The following DENND1A variants were observed in gnomAD, a reference collection of about 807,000 sequenced individuals.
The protein encoded by DENND1A is DENN domain-containing protein 1A.
A neutral mutation model predicts 113.7 loss-of-function variants in DENND1A; 51 were observed. That is an observed-to-expected ratio of 0.45 (90% CI 0.36 to 0.57). The LOEUF (loss-of-function observed/expected upper bound fraction) is 0.57, where lower values mean the gene tolerates loss of function less well. Among genes scored for constraint, DENND1A ranks in the 20% least tolerant of loss-of-function variants. DENND1A has a pLI of 0.00. For synonymous variants in DENND1A, 565 were observed against 570.8 expected, an observed-to-expected ratio of 0.99 and a Z score of 0.14; for missense variants, 1,258 against 1,395.9, an observed-to-expected ratio of 0.90 and a Z score of 1.57.
At chr9:123,460,345 A>G (rs2048433039) in intron 13 of DENND1A, among the ~76,000 whole-genome samples, 1 of 152,178 alleles carries the variant, frequency 6.6e-6, no homozygotes, top group Admixed American at 6.5e-5. Context: ...TTGGGACCAG[A>G]GCAGGGCAAT....
intron 2 of DENND1A, among the ~76,000 whole-genome samples, chr9:123,869,304 G>A (rs1846195037): frequency 6.6e-6 from 1 of 152,102 alleles, no homozygotes; most frequent in Non-Finnish European, 1.5e-5. Context: ...CATAATCTCT[G>A]CGCTCATGGA....
intron 5 of DENND1A, among the ~76,000 whole-genome samples, chr9:123,754,219 T>C (rs1178403184): frequency 2.6e-5 from 4 of 152,128 alleles, no homozygotes; most frequent in Non-Finnish European, 1.5e-5. Flanking sequence ...AATACAACAA[T>C]GTAACCTAGA....
chr9:123,651,276 T>C (rs889344437), intron 9 of DENND1A, among the ~76,000 whole-genome samples: 1 of 152,172 alleles, frequency 6.6e-6, no homozygotes, highest in South Asian at 2.1e-4. Context: ...AATAAACCCA[T>C]GGAAAATATT....
chr9:123,538,789 T>A (rs1397171294), intron 13 of DENND1A, among the ~76,000 whole-genome samples: 3 of 114,404 alleles, frequency 2.6e-5, no homozygotes, highest in Non-Finnish European at 5.5e-5. Flanking sequence ...TGTGTATGAA[T>A]CCAAAGGTGA....
At chr9:123,715,025 A>G (rs1360193056) in intron 5 of DENND1A, among the ~76,000 whole-genome samples, 6 of 152,042 alleles carry the variant, frequency 3.9e-5, no homozygotes, top group Non-Finnish European at 7.4e-5. Flanking sequence ...CTACTAAAAA[A>G]TAAAAAAATT....
chr9:123,433,943 C>T (rs866886167), intron 19 of DENND1A, among the ~76,000 whole-genome samples: 7 of 152,374 alleles, frequency 4.6e-5, no homozygotes, highest in Middle Eastern at 3.4e-3. Context: ...ACACCTATGA[C>T]TGACCTTAGG....
chr9:123,575,178 G>A (rs556248030), intron 12 of DENND1A, among the ~76,000 whole-genome samples: 7 of 152,212 alleles, frequency 4.6e-5, no homozygotes, highest in African/African-American at 1.7e-4. Context: ...AGGGAGGATG[G>A]TTTTGGGATG....
At chr9:123,766,124 T>C (rs1173963799) in intron 4 of DENND1A, among the ~76,000 whole-genome samples, 1 of 152,220 alleles carries the variant, frequency 6.6e-6, no homozygotes, top group Non-Finnish European at 1.5e-5. Context: ...GAACAAGCTC[T>C]AGGCTCACTC....
At chr9:123,410,174 A>T (rs1588389886) in intron 20 of DENND1A, among the ~76,000 whole-genome samples, 2 of 152,254 alleles carry the variant, frequency 1.3e-5, no homozygotes, top group South Asian at 4.1e-4. Flanking sequence ...TTCTCACAAA[A>T]CCCCTCTAGG....
chr9:123,667,922 C>T (rs76366280), intron 7 of DENND1A, among the ~76,000 whole-genome samples: 3,122 of 152,148 alleles, frequency 0.021, 57 homozygotes, highest in South Asian at 0.058. Context: ...ATTCTGCCCC[C>T]GAAGCCCACT....
At chr9:123,594,182 C>T (rs918967863) in intron 11 of DENND1A, among the ~76,000 whole-genome samples, 3 of 152,206 alleles carry the variant, frequency 2.0e-5, no homozygotes, top group African/African-American at 7.2e-5. Flanking sequence ...CCTATGGCTA[C>T]GTATCAGTCC....
intron 13 of DENND1A, among the ~76,000 whole-genome samples, chr9:123,510,168 C>T (rs1049042987): frequency 1.3e-5 from 2 of 152,248 alleles, no homozygotes; most frequent in Non-Finnish European, 1.5e-5. Flanking sequence ...GCTACACAAC[C>T]TCCTCCTCAT....
chr9:123,859,275 T>C (rs550484759), intron 2 of DENND1A, among the ~76,000 whole-genome samples: 1 of 152,244 alleles, frequency 6.6e-6, no homozygotes, highest in Admixed American at 6.5e-5. Context: ...CACAAATCTA[T>C]CTATATCCAT....
chr9:123,406,570 CT>C (rs2043870822), intron 20 of DENND1A, among the ~76,000 whole-genome samples: 1 of 152,246 alleles, frequency 6.6e-6, no homozygotes, highest in Non-Finnish European at 1.5e-5. Context: ...AATGTTGCTG[CT>C]CGGAATCTGA....
At chr9:123,415,118 C>T (rs934611651) in intron 19 of DENND1A, among the ~76,000 whole-genome samples, 19 of 152,126 alleles carry the variant, frequency 1.2e-4, no homozygotes, top group African/African-American at 4.1e-4. Context: ...AGTGAGCCAG[C>T]GGGATATAAA....
chr9:123,651,412 GCA>G (rs767620221), intron 9 of DENND1A, among the ~76,000 whole-genome samples: 10 of 152,166 alleles, frequency 6.6e-5, no homozygotes, highest in Non-Finnish European at 1.5e-4. Flanking sequence ...GCACATGCGC[GCA>G]CACACACACT....
intron 11 of DENND1A, among the ~76,000 whole-genome samples, chr9:123,594,473 T>C (rs1052347104): frequency 1.3e-5 from 2 of 152,042 alleles, no homozygotes; most frequent in Admixed American, 6.5e-5. Context: ...AATACCTTTA[T>C]TCTACCCAAG....
At chr9:123,861,883 G>A (rs1845107429) in intron 2 of DENND1A, among the ~76,000 whole-genome samples, 2 of 152,300 alleles carry the variant, frequency 1.3e-5, no homozygotes, top group East Asian at 1.9e-4. Context: ...AGCAAATGCT[G>A]CCATTTTCTA....
At chr9:123,833,014 A>G (rs1840484698) in intron 2 of DENND1A, among the ~76,000 whole-genome samples, 1 of 150,842 alleles carries the variant, frequency 6.6e-6, no homozygotes, top group Non-Finnish European at 1.5e-5. Flanking sequence ...AGTCACGACT[A>G]CTCAGGAAGC....
Sources: allele counts gnomAD v4.1 joint callset (sites outside exome capture counted in the v4.1 genomes callset), GRCh38; gene constraint gnomAD v4.1.1; transcripts MANE v1.5; gene names NCBI Gene and HGNC (gene_info 2026-07-23, HGNC 2026-07-21).